Variants in POLG observed in about 807,000 individuals in gnomAD.
POLG encodes the protein DNA polymerase subunit gamma-1.
In POLG, 110 loss-of-function variants were observed where a neutral mutation model predicts 155.4. The ratio of observed to expected loss-of-function variants is 0.71; its 90% CI spans 0.61 to 0.83. POLG has a LOEUF of 0.83. Ranked by LOEUF, POLG falls within the 40% of genes least tolerant of loss-of-function variation. The pLI, the probability that POLG is intolerant of heterozygous loss-of-function variation, is 0.00. For synonymous variants in POLG, 701 were observed against 631.5 expected (o/e 1.11, Z -1.65); for missense variants, 1,685 against 1,627.5 (o/e 1.04, Z -0.61).
Position 89,316,476 on chromosome 15 carries a change from A to C in POLG, c.*275T>G, listed in dbSNP as rs377534727. 1.2e-6 allele frequency: 2 copies of C among 1,602,896 alleles called. No individual in the cohort carries two copies. Among genetic ancestry groups the C allele is most frequent in the Non-Finnish European group, 1.7e-6 (2 of 1,173,900 alleles). On this transcript the variant is annotated 3_prime_UTR_variant, in exon 23 of 23. Transcript: ENST00000268124. ...AAAAAATAAATGAAATGCCTGAGTT[A>C]ATGTGAACTTTGGGGCTTCTGCTTC... is the stretch of plus-strand genomic sequence containing the variant.
In POLG at chr15:89,321,392, CCA is replaced by C. The variant is rs2055394126; in HGVS notation, c.2599-134_2599-133del. The C allele has an allele frequency of 1.8e-5, 19 of 1,065,668 alleles. 1 individual carries two copies. The highest frequency in any genetic ancestry group is 2.5e-4 in the Middle Eastern group (1 of 4,002). 66.0% of individuals were successfully genotyped at this position (1,065,668 alleles called of 1,614,324 possible). On this transcript the variant is annotated intron_variant, in intron 16 of 22. Transcript: ENST00000268124. ...AATGCCAGACAGCACTGCTGAAATT[CCA>C]CAGTTCCAGAGATGGCCACCTATCA...
In POLG at chr15:89,333,850, C is replaced by A; in HGVS notation, c.-96G>T. 2 of 1,379,816 alleles carry A rather than the reference C, an allele frequency of 1.4e-6. No homozygotes were observed. The highest frequency in any genetic ancestry group is 2.0e-6 in the Non-Finnish European group (2 of 1,006,704). 85.5% of individuals were successfully genotyped at this position (1,379,816 alleles called of 1,614,324 possible). ...TGGCTGGAAGACGTGGAGAGAGACA[C>A]GTCCTGTCTCTGCTCTCCTGTCAGT... On this transcript the variant is annotated 5_prime_UTR_variant, in exon 2 of 23. Coordinates refer to ENST00000268124, the MANE Select transcript of POLG (RefSeq NM_002693.3).
At position 89,322,889 on chromosome 15, in the gene POLG, C is replaced by T. The variant is rs752878861; in HGVS notation, c.2279G>A (p.Cys760Tyr). The T allele has an allele frequency of 4.3e-6, 7 of 1,612,802 alleles. No homozygotes were observed. In the East Asian group the frequency reaches 8.9e-5, roughly 21 times the overall value. The change falls in exon 14 of 23, where the codon TGT (cysteine) becomes TAT (tyrosine). Residue 760 changes from cysteine to tyrosine, a missense_variant. By Grantham distance (194) the Cys-to-Tyr change is radical. This residue lies in a region of POLG where 1,210 missense variants were observed against 1,167.1 expected (regional missense o/e 1.04). Transcript: ENST00000268124. ...FKLPHKDGNS[C>Y]NVGSPFAKDF... ...CTTGGCAAAGGGGCTTCCCACATTA[C>T]AGCTATTACCATCCTGGACAGAGCA...
chr15:89,331,311 T>C (rs2055591520), intron 2 of POLG, among the ~76,000 whole-genome samples: 1 of 143,056 alleles, frequency 7.0e-6, no homozygotes, highest in African/African-American at 2.5e-5. Context: ...CCCCCCACAT[T>C]TTAATTCAGC....
intron 10 of POLG, 140 bp from the exon 11 acceptor site, chr15:89,324,367 C>T (rs1029646713): frequency 1.4e-5 from 14 of 971,402 alleles, no homozygotes; most frequent in African/African-American, 1.3e-4. Context: ...AGCACTTTCC[C>T]GGGTTTTAGA....
rs372449938 is a variant in POLG at position 89,316,460 on chromosome 15, A to G, written c.*291T>C. 51 of 1,608,866 alleles carry G rather than the reference A, an allele frequency of 3.2e-5. No individual in the cohort carries two copies. Among genetic ancestry groups the G allele is most frequent in the Non-Finnish European group, 4.2e-5 (50 of 1,177,030 alleles). On this transcript the variant is annotated 3_prime_UTR_variant, in exon 23 of 23. Coordinates refer to ENST00000268124, the MANE Select transcript of POLG (RefSeq NM_002693.3). The stretch of plus-strand genomic sequence containing the variant: ...AGCCAAGAAGAAAAGGAAAAAATAA[A>G]TGAAATGCCTGAGTTAATGTGAACT...
chr15:89,325,385 G>T, intron 10 of POLG, 65 bp downstream of exon 10: 2 of 1,170,326 alleles, frequency 1.7e-6, no homozygotes, highest in Non-Finnish European at 2.5e-6. Flanking sequence ...ACTAGCCTGA[G>T]CTGACCAGCC....
Position 89,319,013 on chromosome 15 carries a change from A to G in POLG, c.3191T>C (p.Ile1064Thr), listed in dbSNP as rs766688110. The G allele has an allele frequency of 5.0e-6, 8 of 1,614,130 alleles. No individual in the cohort carries two copies. The highest frequency in any genetic ancestry group is 6.8e-6 in the Non-Finnish European group (8 of 1,180,008). Residue 1064 changes from isoleucine to threonine, a missense_variant, in exon 20 of 23, where the codon ATT becomes ACT. Transcript: ENST00000268124. ...GGTACGTGGTATGTCAGACGTAGCA[A>G]TGCTCTCAAGCTTATTGAACATTTC... ...ESEMFNKLES[I>T]ATSDIPRTPV...
At chr15:89,332,616 G>GGT (rs1324240050) in intron 2 of POLG, among the ~76,000 whole-genome samples, 9 of 150,902 alleles carry the variant, frequency 6.0e-5, no homozygotes, top group Non-Finnish European at 3.0e-5. Context: ...AGGGGGGCGG[G>GGT]GGGGTGTTGG....
Position 89,325,209 on chromosome 15 carries a change from AGT to A in POLG, c.1949+239_1949+240del, listed in dbSNP as rs1203060624. 1.6e-4 allele frequency among the ~76,000 whole-genome samples: 11 copies of A among 67,388 alleles called. 1 individual carries two copies. Among genetic ancestry groups the A allele is most frequent in the African/African-American group, 6.4e-4 (10 of 15,734 alleles). 44.2% of individuals were successfully genotyped at this position (67,388 alleles called of 152,430 possible). A position where few individuals can be genotyped will look rare whatever the true frequency, so the allele number is the denominator to read the frequency against. On this transcript the variant is annotated intron_variant, in intron 10 of 22. Coordinates refer to ENST00000268124, the MANE Select transcript of POLG (RefSeq NM_002693.3). ...GAGTGAGTGAGAGAGTGAGTGAGAG[AGT>A]GAGTGAGTGAGAGAGTGAGTGAGAG...
At position 89,316,392 on chromosome 15, in the gene POLG, T is replaced by C. The variant is rs755726456; in HGVS notation, c.*359A>G. On this transcript the variant is annotated 3_prime_UTR_variant, in exon 23 of 23. Coordinates refer to ENST00000268124, the MANE Select transcript of POLG (RefSeq NM_002693.3). ...CGTTAGAGCATTAATTCTTTCCCCT[T>C]CTAGGGCACTGCATCAGAGCATGGG... 4 of 1,611,072 alleles carry C rather than the reference T, an allele frequency of 2.5e-6. No individual in the cohort carries two copies. The highest frequency in any genetic ancestry group is 3.4e-6 in the Non-Finnish European group (4 of 1,178,254).
Position 89,326,997 on chromosome 15 carries a change from A to G in POLG, c.1500T>C (p.Ala500=), listed in dbSNP as rs574066974. The G allele has an allele frequency of 1.1e-5, 17 of 1,613,926 alleles. No individual in the cohort carries two copies. Among genetic ancestry groups the G allele is most frequent in the Non-Finnish European group, 1.4e-5 (17 of 1,180,006 alleles). Residue 500 remains alanine (A), a synonymous_variant, in exon 8 of 23, where the codon GCT becomes GCC. Transcript: ENST00000268124. The part of the protein sequence containing the change: ...WDLQEFKQKK[A]KKVKKEPATA... ...TGGCTGGTTCCTTCTTCACCTTCTT[A>G]GCTTTCTTCTGCTTAAATTCTTGCA...
chr15:89,333,002 A>C, intron 2 of POLG, 94 bp downstream of exon 2: 2 of 1,470,692 alleles, frequency 1.4e-6, no homozygotes, highest in Non-Finnish European at 1.8e-6. Flanking sequence ...GTGAGCACCC[A>C]GCCCGTAACA....
At chr15:89,327,443 C>T in intron 6 of POLG, 94 bp from the exon 7 acceptor site, 1 of 1,134,068 alleles carries the variant, frequency 8.8e-7, no homozygotes, top group South Asian at 1.3e-5. Flanking sequence ...AACCCAGCCA[C>T]TGACATGGCA....
At chr15:89,320,220 T>G (rs888212457) in intron 18 of POLG, among the ~76,000 whole-genome samples, 1 of 152,234 alleles carries the variant, frequency 6.6e-6, no homozygotes, top group Non-Finnish European at 1.5e-5. Flanking sequence ...CAGGAAGTTG[T>G]ACCTCTCTTC....
intron 2 of POLG, among the ~76,000 whole-genome samples, chr15:89,330,600 G>C (rs1017033067): frequency 6.6e-6 from 1 of 152,202 alleles, no homozygotes; most frequent in Non-Finnish European, 1.5e-5. Flanking sequence ...CACTGAGTCT[G>C]CATCTAGCTC....
At position 89,326,440 on chromosome 15, in the gene POLG, G is replaced by A. The variant is rs185456242; in HGVS notation, c.1712+172C>T. On this transcript the variant is annotated intron_variant, in intron 9 of 22. Coordinates refer to ENST00000268124, the MANE Select transcript of POLG (RefSeq NM_002693.3). ...CTGTGCTGAATGAGTCCAGTGAGCCGGTCCAGAGTGAGCAAATGAGAATAG... is the reference window on the plus strand; with the variant it reads ...CTGTGCTGAATGAGTCCAGTGAGCCAGTCCAGAGTGAGCAAATGAGAATAG... Among the ~76,000 whole-genome samples the A allele has an allele frequency of 6.6e-5, 10 of 152,312 alleles. No individual in the cohort carries two copies. The East Asian group carries it at 1.4e-3, about 21-fold the overall frequency.
At chr15:89,317,616 C>T (rs1055511421) in intron 21 of POLG, 80 bp from the exon 22 acceptor site, 3 of 1,385,722 alleles carry the variant, frequency 2.2e-6, no homozygotes, top group East Asian at 2.3e-5. Flanking sequence ...TGACCCCACA[C>T]CCCTTAGAGC....
chr15:89,320,042 C>T (rs993429794), intron 18 of POLG, among the ~76,000 whole-genome samples: 1 of 152,256 alleles, frequency 6.6e-6, no homozygotes, highest in Non-Finnish European at 1.5e-5. Flanking sequence ...CGGTATGAGC[C>T]TTACCCGACC....
Sources: gnomAD v4.1 joint callset for allele counts (sites outside exome capture counted in the v4.1 genomes callset) on GRCh38, gnomAD v4.1.1 for gene constraint, gnomAD v4.1.1 regional missense constraint, MANE v1.5 for transcripts, NCBI Gene and HGNC (gene_info 2026-07-23, HGNC 2026-07-21) for gene names.